The following WWOX variants were observed in gnomAD, a reference collection of about 807,000 sequenced individuals.
WWOX encodes the protein WW domain containing oxidoreductase.
In WWOX, 69 loss-of-function variants were observed where a neutral mutation model predicts 46.2. The observed-to-expected ratio is 1.49, with a 90% confidence interval of 1.23 to 1.82. The LOEUF is 1.82. WWOX is among the 40% of genes most tolerant of loss of function. WWOX has a pLI of 0.00. For missense variants in WWOX, 919 were observed against 542.6 expected, an observed-to-expected ratio of 1.69 and a Z score of -6.89; for synonymous variants, 359 against 202.6, an observed-to-expected ratio of 1.77 and a Z score of -6.56.
Position 78,346,354 on chromosome 16 carries a change from A to G in WWOX, c.517-40506A>G, listed in dbSNP as rs1196266100. Among the ~76,000 whole-genome samples the G allele has an allele frequency of 4.1e-5, 5 of 121,154 alleles. 1 individual carries two copies. Among genetic ancestry groups the G allele is most frequent in the African/African-American group, 1.4e-4 (5 of 35,802 alleles). The allele number at this position is 121,154 out of a possible 152,430, so 79.5% of individuals were successfully genotyped here. A position where few individuals can be genotyped will look rare whatever the true frequency, so the allele number is the denominator to read the frequency against. Reference sequence around the variant, plus strand: ...TACTAATGTGAACGAAGCCACCGTGAATATTGATGCACTAGTCTTTGTGTG... The same window carrying G: ...TACTAATGTGAACGAAGCCACCGTGGATATTGATGCACTAGTCTTTGTGTG... On this transcript the variant is annotated intron_variant, in intron 5 of 8. Transcript: ENST00000566780.
chr16:78,123,428 G>GTTTTTTTTTTTTTTTTTT (rs1330107026), intron 4 of WWOX: 1 of 61,050 alleles, frequency 1.6e-5, no homozygotes, highest in Non-Finnish European at 3.6e-5. Context: ...TTTTTTCTTT[G>GTTTTTTTTTTTTTTTTTT]TTTTTTGTTT....
At chr16:79,004,654 G>A (rs1484277545) in intron 8 of WWOX, 3 of 152,282 alleles carry the variant, frequency 2.0e-5, no homozygotes, top group African/African-American at 4.8e-5. Flanking sequence ...GCCAACTCCT[G>A]TTTATACTGG....
intron 8 of WWOX, among the ~76,000 whole-genome samples, chr16:78,932,233 A>G (rs2045638751): frequency 6.6e-6 from 1 of 152,132 alleles, no homozygotes; most frequent in South Asian, 2.1e-4. Flanking sequence ...CTCATAAAGT[A>G]TTGTATCCAA....
intron 8 of WWOX, among the ~76,000 whole-genome samples, chr16:78,847,718 C>T (rs371479736): frequency 4.6e-5 from 7 of 151,234 alleles, no homozygotes; most frequent in African/African-American, 1.7e-4. Flanking sequence ...ATAATAACAA[C>T]TAAAGGCTAG....
chr16:78,822,017 T>C (rs1310649024), intron 8 of WWOX, among the ~76,000 whole-genome samples: 3 of 152,156 alleles, frequency 2.0e-5, no homozygotes, highest in South Asian at 2.1e-4. Context: ...GGTAGGACTA[T>C]AGGCATGCAC....
At chr16:78,854,582 G>C (rs1290276119) in intron 8 of WWOX, among the ~76,000 whole-genome samples, 1 of 152,048 alleles carries the variant, frequency 6.6e-6, no homozygotes, top group African/African-American at 2.4e-5. Context: ...TTGCTAATTT[G>C]TTTCTTTTTT....
intron 8 of WWOX, among the ~76,000 whole-genome samples, chr16:79,036,164 C>G (rs995674473): frequency 1.3e-5 from 2 of 152,106 alleles, no homozygotes; most frequent in African/African-American, 4.8e-5. Flanking sequence ...TTGGAGATTT[C>G]CTTGGGTCAG....
chr16:78,688,090 A>G (rs1286918011), intron 8 of WWOX, among the ~76,000 whole-genome samples: 2 of 135,904 alleles, frequency 1.5e-5, no homozygotes, highest in East Asian at 3.9e-4. Flanking sequence ...AAATTCACAG[A>G]CCAGGAATGG....
chr16:78,443,175 C>T (rs554988431), intron 8 of WWOX, among the ~76,000 whole-genome samples: 5 of 142,982 alleles, frequency 3.5e-5, no homozygotes, highest in African/African-American at 1.1e-4. Context: ...TGTGGTGACT[C>T]GTGTCTATTG....
intron 8 of WWOX, among the ~76,000 whole-genome samples, chr16:78,668,595 C>T (rs1282241521): frequency 1.3e-5 from 2 of 152,056 alleles, no homozygotes; most frequent in African/African-American, 4.8e-5. Flanking sequence ...AGGTGAGAGA[C>T]AGGAGTTGTT....
At chr16:78,946,826 C>T (rs1019986724) in intron 8 of WWOX, among the ~76,000 whole-genome samples, 1 of 152,036 alleles carries the variant, frequency 6.6e-6, no homozygotes, top group Non-Finnish European at 1.5e-5. Flanking sequence ...ACTGCGGTAG[C>T]AAGGACAAGA....
At chr16:78,639,766 A>G (rs1395607126) in intron 8 of WWOX, among the ~76,000 whole-genome samples, 7 of 152,054 alleles carry the variant, frequency 4.6e-5, no homozygotes, top group African/African-American at 1.4e-4. Flanking sequence ...GGGTTTCACC[A>G]TGTTGGCCAG....
intron 8 of WWOX, among the ~76,000 whole-genome samples, chr16:78,498,475 A>C (rs528495948): frequency 1.3e-5 from 2 of 152,036 alleles, no homozygotes; most frequent in African/African-American, 2.4e-5. Flanking sequence ...TTATGATAAA[A>C]CTCTACCCAC....
chr16:78,150,948 G>T (rs1281846215), intron 4 of WWOX, among the ~76,000 whole-genome samples: 1 of 152,112 alleles, frequency 6.6e-6, no homozygotes, highest in Non-Finnish European at 1.5e-5. Flanking sequence ...TGCAGTCATA[G>T]CTCACTGCAG....
At chr16:78,748,140 C>G (rs898886455) in intron 8 of WWOX, among the ~76,000 whole-genome samples, 1 of 152,148 alleles carries the variant, frequency 6.6e-6, no homozygotes, top group African/African-American at 2.4e-5. Flanking sequence ...TCGCATTTAT[C>G]CATTGCACCC....
At chr16:79,066,457 A>G (rs1381594439) in intron 8 of WWOX, among the ~76,000 whole-genome samples, 2 of 152,138 alleles carry the variant, frequency 1.3e-5, no homozygotes, top group Non-Finnish European at 2.9e-5. Context: ...TGAGCTCAAC[A>G]TAGGATCTGT....
intron 5 of WWOX, among the ~76,000 whole-genome samples, chr16:78,222,626 G>GC (rs2036925153): frequency 6.6e-6 from 1 of 152,164 alleles, no homozygotes; most frequent in African/African-American, 2.4e-5. Context: ...CATTTAATCA[G>GC]CCTGTACTTC....
intron 8 of WWOX, among the ~76,000 whole-genome samples, chr16:78,729,194 T>C (rs556956006): frequency 4.0e-5 from 6 of 151,626 alleles, no homozygotes; most frequent in Non-Finnish European, 8.8e-5. Flanking sequence ...AATAAAAAAT[T>C]AGCCAGACAT....
intron 1 of WWOX, among the ~76,000 whole-genome samples, chr16:78,103,801 G>A (rs2031956206): frequency 6.6e-6 from 1 of 152,034 alleles, no homozygotes; most frequent in South Asian, 2.1e-4. Context: ...CAGGGATAGA[G>A]GCTGTAGCTC....
Sources: allele counts gnomAD v4.1 joint callset (sites outside exome capture counted in the v4.1 genomes callset), GRCh38; gene constraint gnomAD v4.1.1; transcripts MANE v1.5; gene names NCBI Gene and HGNC (gene_info 2026-07-23, HGNC 2026-07-21).